ZNF443: variants seen among roughly 807,000 people sequenced by gnomAD.
The protein encoded by ZNF443 is Kruppel-type zinc finger (C2H2).
In ZNF443, 3 loss-of-function variants were observed where a neutral mutation model predicts 12.0. That is an observed-to-expected ratio of 0.25 (90% CI 0.11 to 0.64). The LOEUF (loss-of-function observed/expected upper bound fraction) is 0.64, where lower values mean the gene tolerates loss of function less well. ZNF443 is among the 30% of genes least tolerant of loss of function. The pLI is 0.84. For synonymous variants in ZNF443, 225 were observed against 265.9 expected, an observed-to-expected ratio of 0.85 and a Z score of 1.50; for missense variants, 770 against 808.8, an observed-to-expected ratio of 0.95 and a Z score of 0.58.
chr19:12,434,252 T>G (rs954793186), intron 1 of ZNF443, among the ~76,000 whole-genome samples: 6 of 152,260 alleles, frequency 3.9e-5, no homozygotes, highest in Non-Finnish European at 7.3e-5. Context: ...AGATAATATT[T>G]CACATGTTTT....
intron 1 of ZNF443, among the ~76,000 whole-genome samples, chr19:12,433,788 A>G (rs748816649): frequency 7.9e-5 from 12 of 151,602 alleles, no homozygotes; most frequent in Non-Finnish European, 1.3e-4. Flanking sequence ...GCTAGGTTTG[A>G]ATGGTTGTCC....
At chr19:12,440,687 A>C (rs1408100556) in intron 1 of ZNF443, among the ~76,000 whole-genome samples, 2 of 152,172 alleles carry the variant, frequency 1.3e-5, no homozygotes, top group African/African-American at 4.8e-5. Flanking sequence ...CTGCCCAGAG[A>C]GGGCGCCGGG....
At position 12,430,676 on chromosome 19, in the gene ZNF443, G is replaced by C. The variant is rs749880157; in HGVS notation, c.1496C>G (p.Thr499Ser). The change falls in exon 4 of 4, where the codon ACT becomes AGT. Residue 499 changes from threonine to serine, a missense_variant. Physicochemically the swap from Thr to Ser is moderately conservative, Grantham distance 58. Coordinates refer to ENST00000301547, the MANE Select transcript of ZNF443 (RefSeq NM_005815.5). ...CTTACACTCATATGGCTTCTCTCCA[G>C]TGTGAGTTGTTTTGTGATTTTGAAA... ...CSFQNHKTTHTGEKPYECKEC... is the reference protein window; with the variant it reads ...CSFQNHKTTHSGEKPYECKEC... The C allele has an allele frequency of 5.0e-6, 8 of 1,613,948 alleles. No homozygotes were observed. Among genetic ancestry groups the C allele is most frequent in the African/African-American group, 1.3e-5 (1 of 74,930 alleles).
intron 1 of ZNF443, among the ~76,000 whole-genome samples, chr19:12,434,019 C>G (rs912528025): frequency 6.6e-6 from 1 of 152,166 alleles, no homozygotes; most frequent in Non-Finnish European, 1.5e-5. Flanking sequence ...ATGTGATACT[C>G]TATGCCACCT....
chr19:12,437,165 G>T (rs1055369026), intron 1 of ZNF443, among the ~76,000 whole-genome samples: 16 of 152,068 alleles, frequency 1.1e-4, no homozygotes, highest in South Asian at 2.1e-4. Context: ...AAGACAGGAG[G>T]ATTGCTTAAG....
At position 12,431,282 on chromosome 19, in the gene ZNF443, AGACAAGAACT is replaced by A; in HGVS notation, c.880_889del (p.Ser294Ter). 1 of 1,614,014 alleles carries A rather than the reference AGACAAGAACT, an allele frequency of 6.2e-7. No individual in the cohort carries two copies. The highest frequency in any genetic ancestry group is 8.5e-7 in the Non-Finnish European group (1 of 1,179,944). On this transcript the variant is annotated frameshift_variant, in exon 4 of 4. Transcript: ENST00000301547. LOFTEE classifies it low-confidence loss of function (END_TRUNC). ...TCCAGTGTGAGTTCTTTCATGTATTAGACAAGAACTGGAATCAGGGAAGGCTTTAGAACAC... is the reference window on the plus strand; with the variant it reads ...TCCAGTGTGAGTTCTTTCATGTATTAGGAATCAGGGAAGGCTTTAGAACAC...
At position 12,440,041 on chromosome 19, in the gene ZNF443, C is replaced by T. The variant is rs187431125; in HGVS notation, c.3+871G>A. 1.5e-3 allele frequency among the ~76,000 whole-genome samples: 234 copies of T among 151,994 alleles called. 1 individual carries two copies. The highest frequency in any genetic ancestry group is 5.3e-3 in the African/African-American group (221 of 41,370). On this transcript the variant is annotated intron_variant, in intron 1 of 3. Coordinates refer to ENST00000301547, the MANE Select transcript of ZNF443 (RefSeq NM_005815.5). ...GTCTTTGGAAGACTCAGAGGGGAAA[C>T]GGTCGCCCTTGGAAAGGAAGAAAGG...
At chr19:12,433,967 A>G (rs28404946) in intron 1 of ZNF443, among the ~76,000 whole-genome samples, 40,152 of 151,908 alleles carry the variant, frequency 0.26, 5,480 homozygotes, top group South Asian at 0.37. Flanking sequence ...TGTCCTTCTG[A>G]GAAAAGAAAG....
At chr19:12,436,184 T>C (rs1970306429) in intron 1 of ZNF443, among the ~76,000 whole-genome samples, 1 of 134,738 alleles carries the variant, frequency 7.4e-6, no homozygotes, top group Non-Finnish European at 1.6e-5. Context: ...TAATATCTAT[T>C]AAAAAGTAGA....
At chr19:12,436,920 T>G (rs1970316764) in intron 1 of ZNF443, among the ~76,000 whole-genome samples, 2 of 150,978 alleles carry the variant, frequency 1.3e-5, no homozygotes, top group African/African-American at 2.5e-5. Context: ...TGGGTGGTTA[T>G]AGTTTATAAT....
chr19:12,433,368 C>A (rs1970277975), intron 1 of ZNF443, among the ~76,000 whole-genome samples, 171 bp from the exon 2 acceptor site: 2 of 152,328 alleles, frequency 1.3e-5, no homozygotes, highest in Middle Eastern at 3.4e-3. Flanking sequence ...CACAGTAACT[C>A]TGAAGCTACA....
At chr19:12,438,400 AT>A (rs1360525655) in intron 1 of ZNF443, among the ~76,000 whole-genome samples, 1 of 152,244 alleles carries the variant, frequency 6.6e-6, no homozygotes, top group African/African-American at 2.4e-5. Flanking sequence ...ATAGTAAAAA[AT>A]AATTATATTT....
chr19:12,440,866 C>T lies in ZNF443; in HGVS notation c.3+46G>A, dbSNP rs747066760. 6 of 1,613,692 alleles carry T rather than the reference C, an allele frequency of 3.7e-6. No individual in the cohort carries two copies. The African/African-American group carries it at 8.0e-5, about 22-fold the overall frequency. ...AGCCACAGCCGATTACGGCCGGTTC[C>T]ACCTAACCCCTCCCCCGCCTCGGGA... On this transcript the variant is annotated intron_variant, in intron 1 of 3. Transcript: ENST00000301547.
In ZNF443 at chr19:12,440,907, C is replaced by A; in HGVS notation, c.3+5G>T. 6.2e-7 allele frequency: 1 copy of A among 1,614,134 alleles called. No homozygotes were observed. The highest frequency in any genetic ancestry group is 8.5e-7 in the Non-Finnish European group (1 of 1,180,002). ...CGCCTCGGGACGCCGGCCCAGCACACGCACCATTTCCCGACTTCCGCGGTG... is the reference window on the plus strand; with the variant it reads ...CGCCTCGGGACGCCGGCCCAGCACAAGCACCATTTCCCGACTTCCGCGGTG... On this transcript the variant is annotated splice_donor_5th_base_variant and intron_variant, in intron 1 of 3. Transcript: ENST00000301547.
rs1434841785 is a variant in ZNF443 at position 12,430,788 on chromosome 19, T to C, written c.1384A>G (p.Ser462Gly). ...GTTGTTTCATGCCTTCGAAGGGAAC[T>C]GGAAATACGGTAGGCTTTGCCACAT... ...KQCGKAYRIS[S>G]SLRRHETTHT... is the part of the protein sequence containing the mutation. Residue 462 changes from serine to glycine, a missense_variant, in exon 4 of 4, where the codon AGT (serine) becomes GGT (glycine). Transcript: ENST00000301547. 4.3e-6 allele frequency: 7 copies of C among 1,614,020 alleles called. No homozygotes were observed. The African/African-American group carries it at 9.3e-5, about 22-fold the overall frequency.
At chr19:12,439,875 C>T in intron 1 of ZNF443, among the ~76,000 whole-genome samples, 1 of 152,008 alleles carries the variant, frequency 6.6e-6, no homozygotes, top group Non-Finnish European at 1.5e-5. Flanking sequence ...CGCCTGGGGC[C>T]AAACAGTTCA....
In ZNF443 at chr19:12,431,654, T is replaced by C. The variant is rs1970256235; in HGVS notation, c.518A>G (p.Glu173Gly). The C allele has an allele frequency of 1.2e-6, 2 of 1,614,068 alleles. No homozygotes were observed. The highest frequency in any genetic ancestry group is 1.7e-5 in the Admixed American group (1 of 60,002). ...CAAAGAACTGAAGGACTTCCCACAT[T>C]CTTTACAATCATATGGTTTCTTTCC... ...HTGKKPYDCK[E>G]CGKSFSSLGN... Residue 173 changes from glutamate to glycine, a missense_variant, in exon 4 of 4, where the codon GAA becomes GGA. Coordinates refer to ENST00000301547, the MANE Select transcript of ZNF443 (RefSeq NM_005815.5).
At chr19:12,439,968 A>G (rs1316728100) in intron 1 of ZNF443, among the ~76,000 whole-genome samples, 1 of 151,562 alleles carries the variant, frequency 6.6e-6, no homozygotes, top group African/African-American at 2.4e-5. Context: ...CCCTAGGAAG[A>G]GTCAGGATGA....
rs1042718295 is a variant in ZNF443 at position 12,430,035 on chromosome 19, C to G, written c.*121G>C. 9.6e-6 allele frequency: 15 copies of G among 1,570,024 alleles called. No homozygotes were observed. The African/African-American group carries it at 2.0e-4, about 21-fold the overall frequency. ...CTGTACTGGAAAGAAACTGAAACTA[C>G]TTAAGGCTTTACCAAGTGCTTACAT... is the stretch of plus-strand genomic sequence containing the variant. On this transcript the variant is annotated 3_prime_UTR_variant, in exon 4 of 4. Coordinates refer to ENST00000301547, the MANE Select transcript of ZNF443 (RefSeq NM_005815.5).
Sources: gnomAD v4.1 joint callset for allele counts (sites outside exome capture counted in the v4.1 genomes callset) on GRCh38, gnomAD v4.1.1 for gene constraint, MANE v1.5 for transcripts, NCBI Gene and HGNC (gene_info 2026-07-23, HGNC 2026-07-21) for gene names.